Variants in AFF3 observed in about 807,000 individuals in gnomAD.
AFF3 encodes the protein AF4/FMR2 family member 3.
Under a neutral mutation model 129.7 loss-of-function variants are expected in AFF3, and 32 were observed. The observed-to-expected ratio is 0.25, with a 90% CI of 0.19 to 0.33. The LOEUF (loss-of-function observed/expected upper bound fraction) is 0.33. Ranked by LOEUF, AFF3 falls within the 10% of genes least tolerant of loss-of-function variation. The pLI, the probability that AFF3 is intolerant of heterozygous loss-of-function variation, is 1.00. For synonymous variants in AFF3, 644 were observed against 635.4 expected (o/e 1.01, Z -0.20); for missense variants, 1,373 against 1,592.0 (o/e 0.86, Z 2.34).
At position 99,998,209 on chromosome 2, in the gene AFF3, G is replaced by A. The variant is rs975684674; in HGVS notation, c.873+8423C>T. On this transcript the variant is annotated intron_variant, in intron 7 of 24. Coordinates refer to ENST00000672756, the MANE Select transcript of AFF3 (RefSeq NM_001386135.1). ...ATCAAAGATGGATGAAAATGAAATCGCCAGCAATTAAGAAATCCCAGGGGC... is the reference window on the plus strand; with the variant it reads ...ATCAAAGATGGATGAAAATGAAATCACCAGCAATTAAGAAATCCCAGGGGC... Among the ~76,000 whole-genome samples the A allele has an allele frequency of 3.3e-5, 5 of 152,170 alleles. No individual in the cohort carries two copies. In the South Asian group the frequency reaches 8.3e-4, roughly 25 times the overall value.
intron 4 of AFF3, among the ~76,000 whole-genome samples, chr2:100,080,551 T>G (rs547718010): frequency 6.6e-6 from 1 of 152,194 alleles, no homozygotes; most frequent in Non-Finnish European, 1.5e-5. Context: ...CTACCATCTC[T>G]TCTAAAGGGA....
In AFF3 at chr2:99,594,827, TG is replaced by T. The variant is rs1679129891; in HGVS notation, c.1372-539del. 2.0e-5 allele frequency among the ~76,000 whole-genome samples: 3 copies of T among 152,176 alleles called. 1 individual carries two copies. In the South Asian group the frequency reaches 6.2e-4, roughly 32 times the overall value. Reference sequence around the variant, plus strand: ...AATTTGGTAGTAGGAGCAATGACCTTGGGAAGATGGCTTGTTTTGCATATAG... The same window carrying T: ...AATTTGGTAGTAGGAGCAATGACCTTGGAAGATGGCTTGTTTTGCATATAG... On this transcript the variant is annotated intron_variant, in intron 14 of 24. Coordinates refer to ENST00000672756, the MANE Select transcript of AFF3 (RefSeq NM_001386135.1).
chr2:99,988,562 C>A (rs1680073161), intron 7 of AFF3, among the ~76,000 whole-genome samples: 2 of 152,246 alleles, frequency 1.3e-5, no homozygotes, highest in African/African-American at 4.8e-5. Flanking sequence ...GGTTGCTTTG[C>A]AAAAGCAAAA....
chr2:99,617,408 G>A (rs1575518247), intron 13 of AFF3, among the ~76,000 whole-genome samples: 1 of 152,206 alleles, frequency 6.6e-6, no homozygotes, highest in South Asian at 2.1e-4. Flanking sequence ...AGAGGAAAAT[G>A]ATGTTGAGTA....
intron 13 of AFF3, among the ~76,000 whole-genome samples, chr2:99,641,785 C>T (rs371690946): frequency 1.3e-5 from 2 of 152,146 alleles, no homozygotes; most frequent in African/African-American, 4.8e-5. Flanking sequence ...AGAGAGTCGT[C>T]GCGAGGACTA....
chr2:99,940,332 AT>A (rs1674911451), intron 7 of AFF3, among the ~76,000 whole-genome samples: 1 of 152,206 alleles, frequency 6.6e-6, no homozygotes, highest in Admixed American at 6.5e-5. Flanking sequence ...GAGCAACTCC[AT>A]CTTGAATAGG....
At chr2:99,959,014 T>C (rs994122347) in intron 7 of AFF3, among the ~76,000 whole-genome samples, 6 of 151,820 alleles carry the variant, frequency 4.0e-5, no homozygotes, top group Admixed American at 2.0e-4. Context: ...GGAGGATCGA[T>C]TGAGTCCAGG....
At chr2:99,781,165 G>GT (rs1345042934) in intron 8 of AFF3, among the ~76,000 whole-genome samples, 1 of 152,014 alleles carries the variant, frequency 6.6e-6, no homozygotes, top group Non-Finnish European at 1.5e-5. Flanking sequence ...TGCACCTACT[G>GT]TTCCCTTGGC....
At chr2:99,638,838 G>T (rs905630857) in intron 13 of AFF3, among the ~76,000 whole-genome samples, 2 of 152,158 alleles carry the variant, frequency 1.3e-5, no homozygotes, top group Non-Finnish European at 2.9e-5. Context: ...CAGTTAGGTG[G>T]CATTAAGTAC....
At position 99,611,148 on chromosome 2, in the gene AFF3, C is replaced by T. The variant is rs78259961; in HGVS notation, c.1185-9527G>A. Among the ~76,000 whole-genome samples, 994 of 152,226 alleles carry T rather than the reference C, an allele frequency of 6.5e-3. 10 individuals are homozygous for T. The highest frequency in any genetic ancestry group is 0.023 in the African/African-American group (939 of 41,520). Reference sequence around the variant, plus strand: ...TTTTCAGTTATAAAATTTCTATTTGCCTTTTCCTTGTATTTTCTGTATTAT... The same window carrying T: ...TTTTCAGTTATAAAATTTCTATTTGTCTTTTCCTTGTATTTTCTGTATTAT... On this transcript the variant is annotated intron_variant, in intron 13 of 24. Transcript: ENST00000672756.
chr2:100,050,261 T>C (rs971418806), intron 4 of AFF3, among the ~76,000 whole-genome samples: 5 of 152,230 alleles, frequency 3.3e-5, no homozygotes, highest in Admixed American at 6.5e-5. Flanking sequence ...AAATATTTAG[T>C]CACAACATTC....
intron 12 of AFF3, among the ~76,000 whole-genome samples, chr2:99,652,003 G>A (rs113826740): frequency 4.5e-3 from 691 of 152,230 alleles, no homozygotes; most frequent in Non-Finnish European, 7.8e-3. Flanking sequence ...GAATAACATG[G>A]ACATGAAAGA....
intron 13 of AFF3, among the ~76,000 whole-genome samples, chr2:99,638,127 G>C (rs750373198): frequency 2.0e-5 from 3 of 150,308 alleles, no homozygotes; most frequent in Non-Finnish European, 2.9e-5. Flanking sequence ...AGGCTGTAGT[G>C]CAGTGGCATG....
At chr2:99,765,106 T>C (rs1682902434) in intron 8 of AFF3, among the ~76,000 whole-genome samples, 1 of 152,208 alleles carries the variant, frequency 6.6e-6, no homozygotes, top group Non-Finnish European at 1.5e-5. Flanking sequence ...ACTATGCCAC[T>C]GACACTTTAT....
At chr2:100,085,610 A>G (rs1689358057) in intron 4 of AFF3, among the ~76,000 whole-genome samples, 2 of 148,560 alleles carry the variant, frequency 1.3e-5, no homozygotes, top group South Asian at 2.2e-4. Context: ...TGATTCTGGG[A>G]AGCAGCTAAA....
chr2:99,783,935 A>G (rs905368744), intron 8 of AFF3, among the ~76,000 whole-genome samples: 2 of 152,262 alleles, frequency 1.3e-5, no homozygotes, highest in African/African-American at 4.8e-5. Flanking sequence ...ATTGTATTTC[A>G]TCAATTATAT....
chr2:99,904,479 T>C (rs1694570260), intron 7 of AFF3, among the ~76,000 whole-genome samples: 1 of 152,018 alleles, frequency 6.6e-6, no homozygotes. Context: ...TTTGAATTAA[T>C]GTATTTACAC....
At chr2:99,670,261 G>A (rs1354462426) in intron 12 of AFF3, among the ~76,000 whole-genome samples, 1 of 152,164 alleles carries the variant, frequency 6.6e-6, no homozygotes, top group Non-Finnish European at 1.5e-5. Context: ...AGTCTGAGGC[G>A]ATCTGAGGAA....
At chr2:100,113,208 C>T (rs1691587249) in intron 2 of AFF3, among the ~76,000 whole-genome samples, 1 of 152,112 alleles carries the variant, frequency 6.6e-6, no homozygotes, top group Non-Finnish European at 1.5e-5. Context: ...ATTTACTGAA[C>T]AAACATTATT....
Sources: gnomAD v4.1 joint callset for allele counts (sites outside exome capture counted in the v4.1 genomes callset) on GRCh38, gnomAD v4.1.1 for gene constraint, MANE v1.5 for transcripts, NCBI Gene and HGNC (gene_info 2026-07-23, HGNC 2026-07-21) for gene names.